SAMD9: variants seen among roughly 807,000 people sequenced by gnomAD.
SAMD9 encodes sterile alpha motif domain containing 9.
In SAMD9, 3 loss-of-function variants were observed where a neutral mutation model predicts 1.5. The observed-to-expected ratio is 2.05, with a 90% CI of 0.93 to 5.29. SAMD9 has a LOEUF of 5.29. Ranked by LOEUF, SAMD9 falls within the 30% of genes most tolerant of loss-of-function variation. The pLI is 0.02. For missense variants in SAMD9, 1,597 were observed against 1,820.8 expected (o/e 0.88, Z 2.24); for synonymous variants, 635 against 631.9 (o/e 1.00, Z -0.07).
At chr7:93,109,276 A>G (rs1235536882) in intron 2 of SAMD9, among the ~76,000 whole-genome samples, 1 of 152,192 alleles carries the variant, frequency 6.6e-6, no homozygotes, top group South Asian at 2.1e-4. Context: ...CAGAAGGGAC[A>G]TCCACACCAA....
intron 2 of SAMD9, among the ~76,000 whole-genome samples, chr7:93,111,067 C>T (rs1429467606): frequency 3.9e-5 from 6 of 152,174 alleles, no homozygotes; most frequent in Non-Finnish European, 7.3e-5. Context: ...TAAAGCACTC[C>T]TCAGCAAATG....
At position 93,105,213 on chromosome 7, in the gene SAMD9, TG is replaced by T. The variant is rs1167443211; in HGVS notation, c.884del (p.Pro295GlnfsTer104). On this transcript the variant is annotated frameshift_variant, in exon 3 of 3. Transcript: ENST00000379958. LOFTEE classifies it low-confidence loss of function (END_TRUNC). ...REPRFVEVLL[P>X]NSTLSDRFVI... Reference sequence around the variant, plus strand: ...CAAATCTGTCAGATAGAGTACTATTTGGCAGTAAAACTTCCACAAATCTTGG... The same window carrying T: ...CAAATCTGTCAGATAGAGTACTATTTGCAGTAAAACTTCCACAAATCTTGG... The T allele has an allele frequency of 4.3e-6, 7 of 1,613,976 alleles. No individual in the cohort carries two copies. The highest frequency in any genetic ancestry group is 3.3e-4 in the Middle Eastern group (2 of 6,056).
intron 2 of SAMD9, among the ~76,000 whole-genome samples, chr7:93,110,833 T>G (rs1241396939): frequency 6.6e-6 from 1 of 152,092 alleles, no homozygotes; most frequent in Non-Finnish European, 1.5e-5. Context: ...ACAAAGAGAC[T>G]TAGACTCCCA....
At chr7:93,113,126 A>T (rs1791774468) in intron 2 of SAMD9, among the ~76,000 whole-genome samples, 1 of 152,178 alleles carries the variant, frequency 6.6e-6, no homozygotes, top group South Asian at 2.1e-4. Flanking sequence ...ATGGAACAGA[A>T]CAGAGTCCTC....
chr7:93,101,841 C>T lies in SAMD9; in HGVS notation c.4257G>A (p.Leu1419=). The T allele has an allele frequency of 1.9e-6, 3 of 1,613,814 alleles. No individual in the cohort carries two copies. The highest frequency in any genetic ancestry group is 2.5e-6 in the Non-Finnish European group (3 of 1,179,788). ...ACTGATAAGTCAGTCCTATTGGTTG[C>T]AAGACTTCTCGAAGCTGATCTTTTA... ...EKLKDQLREV[L]QPIGLTYQFS... The change falls in exon 3 of 3, where the codon TTG becomes TTA. Residue 1419 remains leucine, a synonymous_variant. Coordinates refer to ENST00000379958, the MANE Select transcript of SAMD9 (RefSeq NM_017654.4).
At chr7:93,113,550 C>G (rs1230117807) in intron 2 of SAMD9, among the ~76,000 whole-genome samples, 1 of 152,120 alleles carries the variant, frequency 6.6e-6, no homozygotes. Context: ...TTACAATCTA[C>G]CCATCTGACA....
rs1334907715 is a variant in SAMD9, at chr7:93,105,467, C to G, written c.631G>C (p.Val211Leu). The G allele has an allele frequency of 6.2e-7, 1 of 1,613,956 alleles. No individual in the cohort carries two copies. The highest frequency in any genetic ancestry group is 8.5e-7 in the Non-Finnish European group (1 of 1,179,988). The change falls in exon 3 of 3, where the codon GTC becomes CTC. Residue 211 changes from valine (V) to leucine (L), a missense_variant. Physicochemically the swap from Val to Leu is conservative, Grantham distance 32. Transcript: ENST00000379958. ...ACCTCATTGCTAAATTTCATCTTGA[C>G]ATCCTCTTCTGTGGCTGTTGCTGTA... is the stretch of plus-strand genomic sequence containing the variant. ...TNTATATEED[V>L]KMKFSNEVFR...
Position 93,105,825 on chromosome 7 carries a change from G to A in SAMD9, c.273C>T (p.Pro91=). The change falls in exon 3 of 3, where the codon CCC becomes CCT. Residue 91 remains proline, a synonymous_variant. Transcript: ENST00000379958. ...TTTGGTCTTTAGGAGCATTTTTACT[G>A]GGCTTTCCCATCTTAGATGTCTGAA... ...DSIQTSKMGK[P]SKNAPKDQTV... 6.2e-7 allele frequency: 1 copy of A among 1,614,054 alleles called. No homozygotes were observed. The highest frequency in any genetic ancestry group is 8.5e-7 in the Non-Finnish European group (1 of 1,180,004).
chr7:93,110,375 G>A (rs999155631), intron 2 of SAMD9, among the ~76,000 whole-genome samples: 5 of 152,298 alleles, frequency 3.3e-5, no homozygotes, highest in South Asian at 2.1e-4. Flanking sequence ...AAACACCATC[G>A]ATGCTAGGAA....
At chr7:93,113,511 C>A (rs927794063) in intron 2 of SAMD9, among the ~76,000 whole-genome samples, 5 of 152,260 alleles carry the variant, frequency 3.3e-5, no homozygotes, top group African/African-American at 1.2e-4. Context: ...TCAGAGTGAA[C>A]AGGCAACCTA....
At position 93,101,694 on chromosome 7, in the gene SAMD9, A is replaced by G; in HGVS notation, c.4404T>C (p.Tyr1468=). Residue 1468 remains tyrosine, a synonymous_variant, in exon 3 of 3, where the codon TAT becomes TAC. Coordinates refer to ENST00000379958, the MANE Select transcript of SAMD9 (RefSeq NM_017654.4). ...GTTGCTTTGTACGATGCATATGTTT[A>G]TATTGCCCCTTGAAAGAATTTTTTA... ...QALKNSFKGQ[Y]KHMHRTKQPI... 1 of 1,613,542 alleles carries G rather than the reference A, an allele frequency of 6.2e-7. No homozygotes were observed. The highest frequency in any genetic ancestry group is 8.5e-7 in the Non-Finnish European group (1 of 1,179,586).
intron 2 of SAMD9, among the ~76,000 whole-genome samples, chr7:93,108,143 C>G (rs1791675182): frequency 1.3e-5 from 2 of 151,274 alleles, no homozygotes; most frequent in South Asian, 4.1e-4. Context: ...GCCCGCCGTG[C>G]CTTGCCGTGC....
At position 93,108,527 on chromosome 7, in the gene SAMD9, G is replaced by C. The variant is rs149161293; in HGVS notation, c.-8-2422C>G. Among the ~76,000 whole-genome samples the C allele has an allele frequency of 3.5e-3, 540 of 152,228 alleles. 5 individuals carry two copies. Among genetic ancestry groups the C allele is most frequent in the African/African-American group, 0.012 (499 of 41,534 alleles). ...CATCGCATCCCACAGGAAGCTCAAG[G>C]GGTCGGAGAATTCCCTTTCCTAGCC... On this transcript the variant is annotated intron_variant, in intron 2 of 2. Coordinates refer to ENST00000379958, the MANE Select transcript of SAMD9 (RefSeq NM_017654.4).
Position 93,105,847 on chromosome 7 carries a change from T to C in SAMD9, c.251A>G (p.Gln84Arg). 6.2e-7 allele frequency: 1 copy of C among 1,614,192 alleles called. No individual in the cohort carries two copies. Among genetic ancestry groups the C allele is most frequent in the Non-Finnish European group, 8.5e-7 (1 of 1,180,026 alleles). Reference sequence around the variant, plus strand: ...ACTGGGCTTTCCCATCTTAGATGTCTGAATCGAATCTTCAATGGCTGTTTT... The same window carrying C: ...ACTGGGCTTTCCCATCTTAGATGTCCGAATCGAATCTTCAATGGCTGTTTT... ...LRKTAIEDSI[Q>R]TSKMGKPSKN... Residue 84 changes from glutamine to arginine, a missense_variant, in exon 3 of 3, where the codon CAG becomes CGG. This residue lies in a region of SAMD9 where 498 missense variants were observed against 457.4 expected (regional missense o/e 1.09). Coordinates refer to ENST00000379958, the MANE Select transcript of SAMD9 (RefSeq NM_017654.4).
intron 2 of SAMD9, among the ~76,000 whole-genome samples, chr7:93,109,850 C>T (rs149268822): frequency 4.7e-4 from 72 of 152,242 alleles, no homozygotes; most frequent in African/African-American, 1.4e-3. Flanking sequence ...CTGAAAGTGA[C>T]GGGGAGAATG....
Position 93,102,002 on chromosome 7 carries a change from C to T in SAMD9, c.4096G>A (p.Val1366Met). The change falls in exon 3 of 3, where the codon GTG becomes ATG. Residue 1366 changes from valine to methionine, a missense_variant. By Grantham distance (21) the Val-to-Met change is conservative. Around this residue, in one of 6 missense-constraint regions of SAMD9, gnomAD observed 682 missense variants for 810.0 expected, o/e 0.84. Coordinates refer to ENST00000379958, the MANE Select transcript of SAMD9 (RefSeq NM_017654.4). ...EDAISTMKCI[V>M]NEYTFLLEQC... ...TCTAAGAGAAAAGTATATTCGTTCA[C>T]TATACATTTCATAGTGCTTATAGCA... 1.2e-6 allele frequency: 2 copies of T among 1,613,544 alleles called. No individual in the cohort carries two copies. The highest frequency in any genetic ancestry group is 1.7e-6 in the Non-Finnish European group (2 of 1,179,656).
intron 2 of SAMD9, among the ~76,000 whole-genome samples, chr7:93,108,409 T>G (rs1468389556): frequency 6.6e-6 from 1 of 152,200 alleles, no homozygotes; most frequent in Non-Finnish European, 1.5e-5. Context: ...ACAGGTGATT[T>G]CTGCATTTCC....
chr7:93,102,683 CGTTTTCCTCT>C lies in SAMD9; in HGVS notation c.3405_3414del (p.Ile1135MetfsTer12). On this transcript the variant is annotated frameshift_variant, in exon 3 of 3. Transcript: ENST00000379958. LOFTEE classifies it low-confidence loss of function (END_TRUNC). Reference sequence around the variant, plus strand: ...TCAACTGAAATGTTCCCGTTTCCTCCGTTTTCCTCTATCCACCATCTTATTTTACTTTTGT... The same window carrying C: ...TCAACTGAAATGTTCCCGTTTCCTCCATCCACCATCTTATTTTACTTTTGT... 1 of 1,613,848 alleles carries C rather than the reference CGTTTTCCTCT, an allele frequency of 6.2e-7. No individual in the cohort carries two copies. The highest frequency in any genetic ancestry group is 1.1e-5 in the South Asian group (1 of 91,082).
At chr7:93,111,959 T>C (rs1027070449) in intron 2 of SAMD9, among the ~76,000 whole-genome samples, 3 of 152,238 alleles carry the variant, frequency 2.0e-5, no homozygotes, top group African/African-American at 7.2e-5. Flanking sequence ...ACTCATTTTA[T>C]GAGGCCAACA....
Sources: allele counts gnomAD v4.1 joint callset (sites outside exome capture counted in the v4.1 genomes callset), GRCh38; gene constraint gnomAD v4.1.1; regional missense constraint gnomAD v4.1.1; transcripts MANE v1.5; gene names NCBI Gene and HGNC (gene_info 2026-07-23, HGNC 2026-07-21).